KCNN2: variants seen among roughly 807,000 people sequenced by gnomAD.
KCNN2 encodes potassium calcium-activated channel subfamily N member 2, also known as small conductance calcium-activated potassium channel protein 2.
Under a neutral mutation model 55.5 loss-of-function variants are expected in KCNN2, and 24 were observed. The observed-to-expected ratio is 0.43, with a 90% CI of 0.31 to 0.61. KCNN2 has a LOEUF of 0.61. KCNN2 is among the 20% of genes least tolerant of loss of function. KCNN2 has a pLI of 0.08. For missense variants in KCNN2, 754 were observed against 853.6 expected (o/e 0.88, Z 1.45); for synonymous variants, 431 against 336.1 (o/e 1.28, Z -3.09).
chr5:114,451,362 A>G (rs1401102870), intron 3 of KCNN2, among the ~76,000 whole-genome samples: 2 of 152,178 alleles, frequency 1.3e-5, no homozygotes, highest in Admixed American at 1.3e-4. Context: ...CCAAGTGTGA[A>G]TGAAACTGTC....
intron 1 of KCNN2, among the ~76,000 whole-genome samples, chr5:114,135,826 A>G (rs1401699307): frequency 6.6e-6 from 1 of 152,240 alleles, no homozygotes; most frequent in Non-Finnish European, 1.5e-5. Flanking sequence ...TCTGTGAAAC[A>G]TGAACACAAT....
intron 2 of KCNN2, among the ~76,000 whole-genome samples, chr5:114,283,344 T>A (rs1755663029): frequency 6.6e-6 from 1 of 152,158 alleles, no homozygotes; most frequent in Admixed American, 6.5e-5. Flanking sequence ...AGTGTTAAAT[T>A]TTTATTATTC....
intron 3 of KCNN2, among the ~76,000 whole-genome samples, chr5:114,462,345 T>C (rs1761247694): frequency 6.6e-6 from 1 of 152,236 alleles, no homozygotes; most frequent in Admixed American, 6.5e-5. Flanking sequence ...CTCCCTCTTT[T>C]CGACTGTAAG....
intron 3 of KCNN2, among the ~76,000 whole-genome samples, chr5:114,429,956 A>G (rs981709990): frequency 6.8e-6 from 1 of 148,102 alleles, no homozygotes; most frequent in Non-Finnish European, 1.5e-5. Flanking sequence ...TGTATTTTCT[A>G]CCTCGCCTAT....
intron 1 of KCNN2, among the ~76,000 whole-genome samples, chr5:114,161,703 C>G (rs1174976674): frequency 1.3e-5 from 2 of 152,062 alleles, no homozygotes; most frequent in Non-Finnish European, 2.9e-5. Flanking sequence ...GTTAATTTCT[C>G]CATATTCTTT....
chr5:114,225,216 A>T (rs1754216294), intron 2 of KCNN2, among the ~76,000 whole-genome samples: 1 of 152,234 alleles, frequency 6.6e-6, no homozygotes, highest in Non-Finnish European at 1.5e-5. Flanking sequence ...AAATTTAAAG[A>T]TCTCATTAAT....
At chr5:114,476,616 TC>T (rs1398963066) in intron 5 of KCNN2, among the ~76,000 whole-genome samples, 1 of 152,004 alleles carries the variant, frequency 6.6e-6, no homozygotes, top group Non-Finnish European at 1.5e-5. Context: ...GATGGGGGTT[TC>T]TCCATGTTGG....
At chr5:114,183,150 A>G (rs1753270343) in intron 1 of KCNN2, among the ~76,000 whole-genome samples, 1 of 152,074 alleles carries the variant, frequency 6.6e-6, no homozygotes, top group Admixed American at 6.5e-5. Context: ...TTTATTCTTT[A>G]TAATCTTAAT....
At chr5:114,274,871 T>C (rs1370511033) in intron 2 of KCNN2, among the ~76,000 whole-genome samples, 1 of 152,292 alleles carries the variant, frequency 6.6e-6, no homozygotes, top group East Asian at 1.9e-4. Flanking sequence ...TCCAACACTA[T>C]GTTGAATAGG....
chr5:114,163,443 T>G (rs1000055449), intron 1 of KCNN2, among the ~76,000 whole-genome samples: 3 of 152,218 alleles, frequency 2.0e-5, no homozygotes, highest in African/African-American at 4.8e-5. Flanking sequence ...ATGGCTGTTA[T>G]TAATTTGAGG....
At chr5:114,413,568 T>G (rs1759201887) in intron 3 of KCNN2, among the ~76,000 whole-genome samples, 1 of 152,214 alleles carries the variant, frequency 6.6e-6, no homozygotes, top group African/African-American at 2.4e-5. Context: ...ATTACAGGCG[T>G]GAGCCACCAC....
Position 114,255,003 on chromosome 5 carries a change from T to C in KCNN2, c.-185+33438T>C, listed in dbSNP as rs559599850. ...AGTAAGAATTCATTGGCCTCATCAT[T>C]TTTTGATGCACCAAAAATGGAATGG... is the stretch of plus-strand genomic sequence containing the variant. On this transcript the variant is annotated intron_variant, in intron 2 of 10. Transcript: ENST00000512097. Among the ~76,000 whole-genome samples the C allele has an allele frequency of 2.6e-5, 4 of 152,316 alleles. No homozygotes were observed. In the South Asian group the frequency reaches 8.3e-4, roughly 32 times the overall value.
intron 1 of KCNN2, among the ~76,000 whole-genome samples, chr5:114,061,742 A>C (rs1750335930): frequency 6.6e-6 from 1 of 152,178 alleles, no homozygotes; most frequent in Admixed American, 6.5e-5. Flanking sequence ...CAATTTTAGC[A>C]CTGGCCTGGA....
chr5:114,063,208 T>C (rs1370609768), intron 1 of KCNN2, among the ~76,000 whole-genome samples: 1 of 152,232 alleles, frequency 6.6e-6, no homozygotes, highest in South Asian at 2.1e-4. Context: ...CTCAGACAAA[T>C]GACTGACAAA....
chr5:114,377,287 C>T (rs1019934282), intron 2 of KCNN2, among the ~76,000 whole-genome samples: 1 of 152,036 alleles, frequency 6.6e-6, no homozygotes, highest in African/African-American at 2.4e-5. Flanking sequence ...AGAATACCAG[C>T]CACGTCAGGA....
intron 2 of KCNN2, among the ~76,000 whole-genome samples, chr5:114,366,135 G>A (rs142755039): frequency 1.3e-5 from 2 of 152,264 alleles, no homozygotes; most frequent in African/African-American, 4.8e-5. Flanking sequence ...ATGCTTGAAA[G>A]CATTCCACTC....
chr5:114,163,794 A>G (rs1752849194), intron 1 of KCNN2, among the ~76,000 whole-genome samples: 1 of 152,238 alleles, frequency 6.6e-6, no homozygotes, highest in Non-Finnish European at 1.5e-5. Context: ...GTGAAGAGGC[A>G]TATGAAGTGC....
intron 1 of KCNN2, among the ~76,000 whole-genome samples, chr5:114,161,448 T>A (rs956279735): frequency 2.7e-5 from 4 of 148,724 alleles, no homozygotes; most frequent in African/African-American, 9.9e-5. Context: ...TTTCCTTCAT[T>A]TCAACTTTGG....
chr5:114,329,567 C>T (rs1018140644), intron 2 of KCNN2, among the ~76,000 whole-genome samples: 1 of 152,150 alleles, frequency 6.6e-6, no homozygotes, highest in African/African-American at 2.4e-5. Flanking sequence ...GGCCTTCGGT[C>T]ACAGACTGAA....
Sources: gnomAD v4.1 joint callset for allele counts (sites outside exome capture counted in the v4.1 genomes callset) on GRCh38, gnomAD v4.1.1 for gene constraint, MANE v1.5 for transcripts, NCBI Gene and HGNC (gene_info 2026-07-23, HGNC 2026-07-21) for gene names.